HPGD: variants seen among roughly 807,000 people sequenced by gnomAD.
HPGD encodes 15-hydroxyprostaglandin dehydrogenase.
HPGD carries 29 observed loss-of-function variants against 30.0 expected under a neutral mutation model. That is an observed-to-expected ratio of 0.97 (90% CI 0.72 to 1.32). The LOEUF (loss-of-function observed/expected upper bound fraction) is 1.32. Among genes scored for constraint, HPGD ranks in the 40% most tolerant of loss-of-function variants. HPGD has a pLI of 0.00. For missense variants in HPGD, 340 were observed against 322.1 expected (o/e 1.06, Z -0.43); for synonymous variants, 99 against 112.4 (o/e 0.88, Z 0.75).
chr4:174,521,537 T>G (rs1366342563), intron 2 of HPGD, among the ~76,000 whole-genome samples: 1 of 152,242 alleles, frequency 6.6e-6, no homozygotes, highest in African/African-American at 2.4e-5. Context: ...CGAAAAACAC[T>G]GCCACATTTG....
chr4:174,519,670 C>T (rs969003477), intron 2 of HPGD, among the ~76,000 whole-genome samples: 3 of 152,142 alleles, frequency 2.0e-5, no homozygotes, highest in Admixed American at 1.3e-4. Context: ...CAAAAAGCTC[C>T]ACCACTGAGC....
At chr4:174,521,648 T>TA (rs1190827119) in intron 2 of HPGD, among the ~76,000 whole-genome samples, 1 of 152,240 alleles carries the variant, frequency 6.6e-6, no homozygotes, top group Non-Finnish European at 1.5e-5. Context: ...TTCAATCATT[T>TA]AATAATTACT....
chr4:174,505,619 G>A (rs1735148323), intron 4 of HPGD, among the ~76,000 whole-genome samples: 1 of 151,714 alleles, frequency 6.6e-6, no homozygotes, highest in Admixed American at 6.6e-5. Context: ...GAGGCTCTCC[G>A]TTGGTGGATA....
At chr4:174,503,021 G>A (rs7349744) in intron 4 of HPGD, among the ~76,000 whole-genome samples, 37,121 of 152,104 alleles carry the variant, frequency 0.24, 5,309 homozygotes, top group Non-Finnish European at 0.3. Flanking sequence ...GAGAAGCACT[G>A]TTCTAGAAGA....
At chr4:174,495,370 G>A (rs1463786563) in intron 5 of HPGD, 178 bp downstream of exon 5, 4 of 617,170 alleles carry the variant, frequency 6.5e-6, no homozygotes, top group South Asian at 1.9e-5. Context: ...ATTTAAAAAT[G>A]ATCTATTATT....
chr4:174,518,099 A>G, intron 2 of HPGD, 22 bp from the exon 3 acceptor site: 1 of 1,106,394 alleles, frequency 9.0e-7, no homozygotes, highest in East Asian at 2.4e-5. Flanking sequence ...ACAAGATATT[A>G]GTGATACATT....
Position 174,522,301 on chromosome 4 carries a change from G to A in HPGD, c.93+58C>T, listed in dbSNP as rs1560992721. The A allele has an allele frequency of 3.4e-6, 5 of 1,485,642 alleles. No individual in the cohort carries two copies. In the South Asian group the frequency reaches 6.0e-5, roughly 18 times the overall value. The allele number at this position is 1,485,642 out of a possible 1,614,324, so 92.0% of individuals were successfully genotyped here. ...TCTCCGCCAGTGCACCTCGGGCGGC[G>A]GGGCGAGTCTCGGAGTGTGTGGGCA... On this transcript the variant is annotated intron_variant, in intron 1 of 6. Transcript: ENST00000296522.
At chr4:174,515,087 C>T (rs1408277748) in intron 3 of HPGD, among the ~76,000 whole-genome samples, 2 of 152,134 alleles carry the variant, frequency 1.3e-5, no homozygotes, top group Non-Finnish European at 2.9e-5. Context: ...AATGGCCATA[C>T]TGCTCAAAGC....
chr4:174,503,299 A>G (rs1023421398), intron 4 of HPGD, among the ~76,000 whole-genome samples: 2 of 152,206 alleles, frequency 1.3e-5, no homozygotes, highest in African/African-American at 4.8e-5. Flanking sequence ...GCATAGGAAC[A>G]GTACATCCAC....
Position 174,492,614 on chromosome 4 carries a change from T to C in HPGD, c.663-520A>G, listed in dbSNP as rs540192041. ...TATCTCTATTTTATATGTGAGAAAA[T>C]TGAAGCATCTAGAGGTATGATGGGT... On this transcript the variant is annotated intron_variant, in intron 6 of 6. Transcript: ENST00000296522. The surrounding 1 kb of genome is among the most constrained non-coding windows in gnomAD (Gnocchi z 4.9). Among the ~76,000 whole-genome samples the C allele has an allele frequency of 1.3e-5, 2 of 152,146 alleles. No individual in the cohort carries two copies. Among genetic ancestry groups the C allele is most frequent in the African/African-American group, 4.8e-5 (2 of 41,552 alleles).
At chr4:174,509,844 T>C (rs1560984391) in intron 3 of HPGD, among the ~76,000 whole-genome samples, 1 of 151,900 alleles carries the variant, frequency 6.6e-6, no homozygotes, top group Non-Finnish European at 1.5e-5. Context: ...ATCCTTTTGA[T>C]AGTTGACTGT....
chr4:174,510,087 G>A (rs1049270698), intron 3 of HPGD, among the ~76,000 whole-genome samples: 11 of 151,946 alleles, frequency 7.2e-5, no homozygotes, highest in Non-Finnish European at 1.5e-4. Flanking sequence ...CAAAGAAAAC[G>A]ATACAATAGG....
chr4:174,512,550 CAG>C (rs1339919676), intron 3 of HPGD, among the ~76,000 whole-genome samples: 169 of 152,114 alleles, frequency 1.1e-3, no homozygotes, highest in Non-Finnish European at 1.0e-4. Flanking sequence ...AAATCCAGAG[CAG>C]AGTTTCAAAA....
At chr4:174,503,778 A>G (rs1301034542) in intron 4 of HPGD, among the ~76,000 whole-genome samples, 2 of 151,052 alleles carry the variant, frequency 1.3e-5, no homozygotes, top group African/African-American at 4.9e-5. Flanking sequence ...GCTGGAGTGC[A>G]GTAGTGCAAT....
chr4:174,509,994 A>C (rs911918966), intron 3 of HPGD, among the ~76,000 whole-genome samples: 29 of 151,696 alleles, frequency 1.9e-4, no homozygotes, highest in African/African-American at 7.0e-4. Context: ...AAGAATTCCT[A>C]TCCCTTCCAG....
intron 3 of HPGD, among the ~76,000 whole-genome samples, chr4:174,510,928 A>G (rs1408936497): frequency 1.3e-5 from 2 of 152,294 alleles, no homozygotes; most frequent in East Asian, 3.9e-4. Context: ...GGCCTGAGCC[A>G]CCGTGCCTGG....
chr4:174,507,333 G>A (rs1264740294), intron 4 of HPGD: 2 of 152,092 alleles, frequency 1.3e-5, no homozygotes, highest in African/African-American at 4.8e-5. Flanking sequence ...GACTTTAAGC[G>A]ACCCAGAAAA....
At position 174,494,678 on chromosome 4, in the gene HPGD, C is replaced by A. The variant is rs1286173357; in HGVS notation, c.498+870G>T. 5.3e-5 allele frequency among the ~76,000 whole-genome samples: 8 copies of A among 152,124 alleles called. No individual in the cohort carries two copies. Among genetic ancestry groups the A allele is most frequent in the South Asian group, 2.1e-4 (1 of 4,830 alleles). ...TAATTCTTTGATTACTAATATTTTT[C>A]TCTTCATCTCTCTAGCTGCTCTCTT... On this transcript the variant is annotated intron_variant, in intron 5 of 6. Transcript: ENST00000296522. This position sits in a 1 kb window ranked among gnomAD's most constrained non-coding sequence, Gnocchi z 4.9.
intron 4 of HPGD, chr4:174,495,939 A>C (rs544347378): frequency 3.2e-6 from 1 of 316,340 alleles, no homozygotes; most frequent in African/African-American, 2.1e-5. Flanking sequence ...AACACAAAGA[A>C]AATCATCTTT....
Sources: gnomAD v4.1 joint callset for allele counts (sites outside exome capture counted in the v4.1 genomes callset) on GRCh38, gnomAD v4.1.1 for gene constraint, Gnocchi (gnomAD v3.1) non-coding constraint, MANE v1.5 for transcripts, NCBI Gene and HGNC (gene_info 2026-07-23, HGNC 2026-07-21) for gene names.